The following PITPNB variants were observed in gnomAD, a reference collection of about 807,000 sequenced individuals.
PITPNB encodes phosphatidylinositol transfer protein beta.
Under a neutral mutation model 45.9 loss-of-function variants are expected in PITPNB, and 16 were observed. That is an observed-to-expected ratio of 0.35 (90% confidence interval 0.24 to 0.53). The LOEUF (loss-of-function observed/expected upper bound fraction) is 0.53, where lower values mean the gene tolerates loss of function less well. Ranked by LOEUF, PITPNB falls within the 20% of genes least tolerant of loss-of-function variation. PITPNB has a pLI of 0.93. For synonymous variants in PITPNB, 112 were observed against 108.9 expected (o/e 1.03, Z -0.18); for missense variants, 188 against 330.5 (o/e 0.57, Z 3.34).
chr22:27,914,091 A>G (rs1415312601), intron 2 of PITPNB, among the ~76,000 whole-genome samples: 1 of 152,222 alleles, frequency 6.6e-6, no homozygotes, highest in Non-Finnish European at 1.5e-5. Flanking sequence ...AGGAGGTTAA[A>G]CTACATTCTT....
At chr22:27,854,237 A>AT (rs200320101) in intron 11 of PITPNB, among the ~76,000 whole-genome samples, 574 of 143,990 alleles carry the variant, frequency 4.0e-3, no homozygotes, top group African/African-American at 8.1e-3. Flanking sequence ...GGAGATTTTG[A>AT]TTTTTTTTTT....
chr22:27,865,343 ATAAAT>A (rs779468711), intron 8 of PITPNB, among the ~76,000 whole-genome samples: 9 of 152,310 alleles, frequency 5.9e-5, no homozygotes, highest in Non-Finnish European at 1.3e-4. Context: ...CTGATGTTTA[ATAAAT>A]TAAATCTAAA....
At chr22:27,854,369 A>C (rs1934112440) in intron 11 of PITPNB, among the ~76,000 whole-genome samples, 1 of 152,250 alleles carries the variant, frequency 6.6e-6, no homozygotes. Context: ...AGCTAACTGT[A>C]ACAACTGAAG....
Position 27,918,951 on chromosome 22 carries a change from C to A in PITPNB, c.20+221G>T, listed in dbSNP as rs904597485. Reference sequence around the variant, plus strand: ...TCGGGCCGGGACCCAGCCGCCTTCGCCCCGGGGAAGGGAGAGGGCGTGTTA... The same window carrying A: ...TCGGGCCGGGACCCAGCCGCCTTCGACCCGGGGAAGGGAGAGGGCGTGTTA... On this transcript the variant is annotated intron_variant, in intron 1 of 11. Coordinates refer to ENST00000335272, the MANE Select transcript of PITPNB (RefSeq NM_012399.5). 4 of 722,704 alleles carry A rather than the reference C, an allele frequency of 5.5e-6. No individual in the cohort carries two copies. The Admixed American group carries it at 8.2e-5, about 15-fold the overall frequency. 44.8% of individuals were successfully genotyped at this position (722,704 alleles called of 1,614,324 possible). A position where few individuals can be genotyped will look rare whatever the true frequency, so the allele number is the denominator to read the frequency against.
intron 9 of PITPNB, 28 bp downstream of exon 9, chr22:27,860,103 A>T: frequency 7.6e-7 from 1 of 1,319,508 alleles, no homozygotes; most frequent in Non-Finnish European, 1.1e-6. Flanking sequence ...TCCTAAATCT[A>T]AGTCACCACA....
chr22:27,874,830 C>T (rs1302895901), intron 7 of PITPNB, among the ~76,000 whole-genome samples: 1 of 152,188 alleles, frequency 6.6e-6, no homozygotes, highest in Non-Finnish European at 1.5e-5. Flanking sequence ...TGGGGTCCTT[C>T]ACAGAATTCG....
intron 3 of PITPNB, among the ~76,000 whole-genome samples, chr22:27,909,879 A>C (rs1176437331): frequency 1.3e-5 from 2 of 151,986 alleles, no homozygotes; most frequent in African/African-American, 4.8e-5. Flanking sequence ...TCCTGGGTCC[A>C]AGTGATCCTC....
intron 3 of PITPNB, among the ~76,000 whole-genome samples, chr22:27,909,350 G>C (rs924367879): frequency 6.6e-6 from 1 of 151,346 alleles, no homozygotes; most frequent in African/African-American, 2.4e-5. Context: ...ATAGGCCTGA[G>C]CCACCACACT....
intron 7 of PITPNB, chr22:27,894,159 G>C (rs574456470): frequency 1.3e-5 from 2 of 156,580 alleles, no homozygotes; most frequent in African/African-American, 4.8e-5. Flanking sequence ...CTGTAGCTGA[G>C]TTACTAAATA....
chr22:27,868,511 G>T (rs1934550426), intron 8 of PITPNB, among the ~76,000 whole-genome samples: 1 of 152,138 alleles, frequency 6.6e-6, no homozygotes, highest in South Asian at 2.1e-4. Context: ...CAGAAATATG[G>T]TTTCCCTCCA....
Position 27,919,238 on chromosome 22 carries a change from C to CGCCGCT in PITPNB, c.-53_-48dup. 1 of 1,526,964 alleles carries CGCCGCT rather than the reference C, an allele frequency of 6.5e-7. No homozygotes were observed. The highest frequency in any genetic ancestry group is 1.1e-5 in the South Asian group (1 of 89,452). The allele number at this position is 1,526,964 out of a possible 1,614,324, so 94.6% of individuals were successfully genotyped here. On this transcript the variant is annotated 5_prime_UTR_variant, in exon 1 of 12. Coordinates refer to ENST00000335272, the MANE Select transcript of PITPNB (RefSeq NM_012399.5). The stretch of plus-strand genomic sequence containing the variant: ...CTGCCGCCGATACCACCGCCGCCGC[C>CGCCGCT]GCCGCTACCGCCTCTCACAGCGCCT...
At chr22:27,888,769 G>A (rs139730760) in intron 7 of PITPNB, among the ~76,000 whole-genome samples, 2 of 152,212 alleles carry the variant, frequency 1.3e-5, no homozygotes, top group African/African-American at 4.8e-5. Context: ...GTCAACTTTG[G>A]ACAGAGAAAG....
chr22:27,853,522 C>T lies in PITPNB; in HGVS notation c.*180G>A, dbSNP rs1934086579. 8.4e-6 allele frequency: 8 copies of T among 957,274 alleles called. No individual in the cohort carries two copies. In the Admixed American group the frequency reaches 1.4e-4, roughly 17 times the overall value. The allele number at this position is 957,274 out of a possible 1,614,324, so 59.3% of individuals were successfully genotyped here. A position where few individuals can be genotyped will look rare whatever the true frequency, so the allele number is the denominator to read the frequency against. ...ACATATGCACACATACATATATACA[C>T]ACGTGGTTGAGAACCTGTGCATGTG... On this transcript the variant is annotated 3_prime_UTR_variant, in exon 12 of 12. Transcript: ENST00000335272.
At chr22:27,907,605 T>G (rs1312157573) in intron 3 of PITPNB, among the ~76,000 whole-genome samples, 1 of 152,132 alleles carries the variant, frequency 6.6e-6, no homozygotes, top group Admixed American at 6.6e-5. Context: ...GTCTCATTCC[T>G]CTCTGTGCTT....
At chr22:27,888,513 G>A (rs546449583) in intron 7 of PITPNB, among the ~76,000 whole-genome samples, 1 of 152,164 alleles carries the variant, frequency 6.6e-6, no homozygotes, top group African/African-American at 2.4e-5. Flanking sequence ...TTGTATTCCA[G>A]TACAAACTCT....
At chr22:27,864,493 TAATC>T (rs1401693687) in intron 8 of PITPNB, among the ~76,000 whole-genome samples, 1 of 152,190 alleles carries the variant, frequency 6.6e-6, no homozygotes, top group Non-Finnish European at 1.5e-5. Flanking sequence ...CATATCCTAT[TAATC>T]AAGTAAAGAA....
At chr22:27,902,719 T>C (rs1935636757) in intron 3 of PITPNB, among the ~76,000 whole-genome samples, 1 of 152,116 alleles carries the variant, frequency 6.6e-6, no homozygotes, top group Non-Finnish European at 1.5e-5. Context: ...ATAAACTATT[T>C]TTTTCTTTGG....
rs1223282010 is a variant in PITPNB at position 27,894,653 on chromosome 22, G to C, written c.373-15C>G. 4.0e-6 allele frequency: 6 copies of C among 1,494,452 alleles called. No homozygotes were observed. The highest frequency in any genetic ancestry group is 2.8e-6 in the Non-Finnish European group (3 of 1,074,744). The allele number at this position is 1,494,452 out of a possible 1,614,324, so 92.6% of individuals were successfully genotyped here. On this transcript the variant is annotated splice_polypyrimidine_tract_variant and intron_variant, in intron 6 of 11. Coordinates refer to ENST00000335272, the MANE Select transcript of PITPNB (RefSeq NM_012399.5). ...AAACCATGTACCTACCAATGACAAA[G>C]AGAAAAGAAACAAAACAAACTGTAG...
chr22:27,855,464 T>C (rs1309636210), intron 10 of PITPNB, among the ~76,000 whole-genome samples: 1 of 152,104 alleles, frequency 6.6e-6, no homozygotes, highest in Admixed American at 6.5e-5. Flanking sequence ...TGGCAAACCA[T>C]GAAGGGCACA....
Sources: gnomAD v4.1 joint callset for allele counts (sites outside exome capture counted in the v4.1 genomes callset) on GRCh38, gnomAD v4.1.1 for gene constraint, MANE v1.5 for transcripts, NCBI Gene and HGNC (gene_info 2026-07-23, HGNC 2026-07-21) for gene names.